The following JMJD1C variants were observed in gnomAD, a reference collection of about 807,000 sequenced individuals.
JMJD1C encodes jumonji domain containing 1C, also known as jumonji domain-containing protein 1C.
JMJD1C carries 31 observed loss-of-function variants against 245.3 expected under a neutral mutation model. The ratio of observed to expected loss-of-function variants is 0.13; its 90% confidence interval spans 0.09 to 0.17. The LOEUF is 0.17. Among genes scored for constraint, JMJD1C ranks in the 10% least tolerant of loss-of-function variants. The probability of loss-of-function intolerance (pLI) is 1.00; values close to 1 mark genes in which losing one functional copy is unlikely to be tolerated. For synonymous variants in JMJD1C, 1,057 were observed against 1,017.4 expected, an observed-to-expected ratio of 1.04 and a Z score of -0.74; for missense variants, 2,691 against 3,000.2, an observed-to-expected ratio of 0.90 and a Z score of 2.41.
At chr10:63,445,238 A>G (rs1407251752) in intron 1 of JMJD1C, among the ~76,000 whole-genome samples, 1 of 152,194 alleles carries the variant, frequency 6.6e-6, no homozygotes, top group Non-Finnish European at 1.5e-5. Context: ...TTTTATTTTA[A>G]AAAAGAAATA....
chr10:63,503,461 G>A (rs1380951288), intron 1 of JMJD1C, among the ~76,000 whole-genome samples: 2 of 152,130 alleles, frequency 1.3e-5, no homozygotes, highest in East Asian at 1.9e-4. Context: ...AAAAGTTTGG[G>A]AGACAATGGA....
intron 1 of JMJD1C, among the ~76,000 whole-genome samples, chr10:63,512,760 T>C (rs571549014): frequency 2.0e-5 from 3 of 152,318 alleles, no homozygotes; most frequent in Non-Finnish European, 2.9e-5. Flanking sequence ...TTCTCAGTTA[T>C]TACTTAAAAT....
intron 3 of JMJD1C, among the ~76,000 whole-genome samples, chr10:63,262,366 A>G (rs1268575203): frequency 1.3e-5 from 2 of 152,158 alleles, no homozygotes; most frequent in Non-Finnish European, 1.5e-5. Flanking sequence ...CATCTTAGGT[A>G]TCTGTAGTAA....
At chr10:63,191,786 A>T (rs1399019946) in intron 16 of JMJD1C, among the ~76,000 whole-genome samples, 2 of 151,802 alleles carry the variant, frequency 1.3e-5, no homozygotes, top group African/African-American at 4.8e-5. Context: ...GGAGTTCAAG[A>T]CCAACCTGGC....
At chr10:63,318,644 A>C (rs1382831788) in intron 2 of JMJD1C, among the ~76,000 whole-genome samples, 2 of 152,126 alleles carry the variant, frequency 1.3e-5, no homozygotes, top group Non-Finnish European at 2.9e-5. Context: ...CTGGGACATC[A>C]ATACTTGTGA....
chr10:63,482,820 T>A (rs1953870930), intron 1 of JMJD1C, among the ~76,000 whole-genome samples: 1 of 152,138 alleles, frequency 6.6e-6, no homozygotes, highest in Admixed American at 6.6e-5. Context: ...GGGGATCACA[T>A]AATGAACACA....
At chr10:63,439,302 CCTGG>C (rs1373065323) in intron 1 of JMJD1C, among the ~76,000 whole-genome samples, 2 of 152,140 alleles carry the variant, frequency 1.3e-5, no homozygotes, top group Non-Finnish European at 2.9e-5. Flanking sequence ...ATGTTCTGTT[CCTGG>C]CTTTCACTGA....
intron 1 of JMJD1C, among the ~76,000 whole-genome samples, chr10:63,445,813 T>C (rs1054245124): frequency 6.6e-6 from 1 of 151,206 alleles, no homozygotes; most frequent in African/African-American, 2.4e-5. Flanking sequence ...TAATGTAGGT[T>C]TGAACTAGTA....
intron 1 of JMJD1C, among the ~76,000 whole-genome samples, chr10:63,511,387 GC>G (rs1384345858): frequency 6.6e-6 from 1 of 152,160 alleles, no homozygotes; most frequent in Non-Finnish European, 1.5e-5. Flanking sequence ...CCTCTTATAT[GC>G]AGATGTCTTT....
intron 24 of JMJD1C, 67 bp downstream of exon 24, chr10:63,176,230 C>T: frequency 1.7e-6 from 2 of 1,192,144 alleles, no homozygotes; most frequent in Non-Finnish European, 2.3e-6. Flanking sequence ...ATACTAAGAG[C>T]AATTTTTTTT....
At chr10:63,484,460 C>G (rs779775911) in intron 1 of JMJD1C, among the ~76,000 whole-genome samples, 1 of 151,962 alleles carries the variant, frequency 6.6e-6, no homozygotes, top group Non-Finnish European at 1.5e-5. Context: ...TCCCTTTTCA[C>G]GCTATTTATA....
chr10:63,254,817 T>C (rs1853626237), intron 3 of JMJD1C, among the ~76,000 whole-genome samples: 1 of 151,918 alleles, frequency 6.6e-6, no homozygotes, highest in African/African-American at 2.4e-5. Flanking sequence ...CCCAAAGTGC[T>C]GAGATTACAG....
At chr10:63,200,237 ATCTC>A (rs1282428908) in intron 11 of JMJD1C, among the ~76,000 whole-genome samples, 1 of 152,208 alleles carries the variant, frequency 6.6e-6, no homozygotes, top group Non-Finnish European at 1.5e-5. Context: ...TTAAGAATAA[ATCTC>A]TCAGAACAGA....
intron 2 of JMJD1C, among the ~76,000 whole-genome samples, chr10:63,330,834 C>T (rs1401501883): frequency 1.3e-5 from 2 of 152,098 alleles, no homozygotes; most frequent in African/African-American, 4.8e-5. Flanking sequence ...CACTAAAATG[C>T]CCAGAATAAC....
rs552590929 is a variant in JMJD1C, at chr10:63,441,968, G to T, written c.168+23527C>A. On this transcript the variant is annotated intron_variant, in intron 1 of 25. Transcript: ENST00000399262. ...ATGTACTAGACATTTAAATATTCAA[G>T]AATATTTATATAGCACCTGTTATTT... is the stretch of plus-strand genomic sequence containing the variant. Among the ~76,000 whole-genome samples, 17 of 152,260 alleles carry T rather than the reference G, an allele frequency of 1.1e-4. 1 individual carries two copies. In the South Asian group the frequency reaches 3.1e-3, roughly 28 times the overall value.
intron 1 of JMJD1C, among the ~76,000 whole-genome samples, chr10:63,515,417 C>G (rs1178528584): frequency 6.6e-6 from 1 of 152,166 alleles, no homozygotes; most frequent in Non-Finnish European, 1.5e-5. Context: ...TGGTAGAGCT[C>G]CAGGAAGTAA....
At chr10:63,458,407 G>A (rs933219687) in intron 1 of JMJD1C, among the ~76,000 whole-genome samples, 7 of 151,638 alleles carry the variant, frequency 4.6e-5, no homozygotes, top group African/African-American at 1.7e-4. Flanking sequence ...AGGATCTCTT[G>A]AACCCAGAAA....
At chr10:63,203,145 G>T (rs941204289) in intron 10 of JMJD1C, 3 of 984,824 alleles carry the variant, frequency 3.0e-6, no homozygotes, top group Non-Finnish European at 3.6e-6. Context: ...TAGAGCTTTT[G>T]ATATTATAAT....
At chr10:63,210,271 TTATTTCTCAATAATAGTGTCTTATGC>T (rs1009719186) in intron 8 of JMJD1C, among the ~76,000 whole-genome samples, 50 of 152,300 alleles carry the variant, frequency 3.3e-4, no homozygotes, top group African/African-American at 1.2e-3. Context: ...CCATTCAAAA[TTATTTCTCAATAATAGTGTCTTATGC>T]TTGTATTGTT....
Sources: allele counts gnomAD v4.1 joint callset (sites outside exome capture counted in the v4.1 genomes callset), GRCh38; gene constraint gnomAD v4.1.1; transcripts MANE v1.5; gene names NCBI Gene and HGNC (gene_info 2026-07-23, HGNC 2026-07-21).